Variants in WNT7A observed in about 807,000 individuals in gnomAD.
WNT7A encodes the protein protein Wnt-7a.
Under a neutral mutation model 28.2 loss-of-function variants are expected in WNT7A, and 16 were observed. That is an observed-to-expected ratio of 0.57 (90% CI 0.38 to 0.86). The LOEUF (loss-of-function observed/expected upper bound fraction) is 0.86, where lower values mean the gene tolerates loss of function less well. WNT7A is among the 40% of genes least tolerant of loss of function. The pLI, the probability that WNT7A is intolerant of heterozygous loss-of-function variation, is 0.00. For synonymous variants in WNT7A, 190 were observed against 195.9 expected, an observed-to-expected ratio of 0.97 and a Z score of 0.25; for missense variants, 411 against 489.7, an observed-to-expected ratio of 0.84 and a Z score of 1.52.
At chr3:13,850,924 C>T (rs1254216200) in intron 3 of WNT7A, among the ~76,000 whole-genome samples, 1 of 152,084 alleles carries the variant, frequency 6.6e-6, no homozygotes, top group Non-Finnish European at 1.5e-5. Context: ...ACTGTCCTTC[C>T]CTTCCCATAG....
chr3:13,840,096 C>G (rs1266645797), intron 3 of WNT7A, among the ~76,000 whole-genome samples: 1 of 152,236 alleles, frequency 6.6e-6, no homozygotes, highest in Admixed American at 6.5e-5. Flanking sequence ...GACAGCCACA[C>G]TGGCCTCTTT....
Position 13,879,762 on chromosome 3 carries a change from C to A in WNT7A, c.55G>T (p.Val19Phe). 6.2e-7 allele frequency: 1 copy of A among 1,612,944 alleles called. No individual in the cohort carries two copies. The highest frequency in any genetic ancestry group is 8.5e-7 in the Non-Finnish European group (1 of 1,179,328). Residue 19 changes from valine to phenylalanine, a missense_variant, in exon 1 of 4, where the codon GTC (valine) becomes TTC (phenylalanine). Coordinates refer to ENST00000285018, the MANE Select transcript of WNT7A (RefSeq NM_004625.4). ...AGCCCTTACCCGATCCGGAGGTAGA[C>A]CATGCCCAGGCTGAGAAAGAGGTGG... ...LGHLFLSLGM[V>F]YLRIGGFSSV...
chr3:13,856,893 A>AAAAAGAAG (rs1559303190), intron 2 of WNT7A, among the ~76,000 whole-genome samples: 4 of 73,358 alleles, frequency 5.5e-5, no homozygotes, highest in Non-Finnish European at 7.7e-5. Flanking sequence ...AGAAGAAGAA[A>AAAAAGAAG]AAGAAGAAGA....
At chr3:13,844,029 G>A (rs1399356272) in intron 3 of WNT7A, among the ~76,000 whole-genome samples, 7 of 152,130 alleles carry the variant, frequency 4.6e-5, no homozygotes, top group African/African-American at 9.7e-5. Flanking sequence ...TTATAGGCGG[G>A]AGCCACCGTG....
intron 3 of WNT7A, among the ~76,000 whole-genome samples, chr3:13,835,980 T>C (rs553487526): frequency 2.0e-5 from 3 of 152,060 alleles, no homozygotes; most frequent in Non-Finnish European, 4.4e-5. Flanking sequence ...AGGAAATCCA[T>C]AGAGACAGAG....
intron 3 of WNT7A, among the ~76,000 whole-genome samples, chr3:13,840,569 C>T (rs1419023657): frequency 6.6e-6 from 1 of 152,020 alleles, no homozygotes; most frequent in Non-Finnish European, 1.5e-5. Context: ...TCCATTCACC[C>T]AACCATCCTT....
At chr3:13,878,325 T>A (rs545025932) in intron 1 of WNT7A, among the ~76,000 whole-genome samples, 13 of 151,920 alleles carry the variant, frequency 8.6e-5, no homozygotes, top group African/African-American at 2.7e-4. Context: ...GCGGCCCGAG[T>A]CAATCGGCTC....
chr3:13,829,483 T>C (rs1232319686), intron 3 of WNT7A, among the ~76,000 whole-genome samples: 8 of 152,182 alleles, frequency 5.3e-5, no homozygotes, highest in East Asian at 3.9e-4. Context: ...TGGGAACTTT[T>C]CTCATTTTGA....
chr3:13,821,809 A>C (rs969777513), intron 3 of WNT7A, among the ~76,000 whole-genome samples: 1 of 152,234 alleles, frequency 6.6e-6, no homozygotes, highest in Non-Finnish European at 1.5e-5. Flanking sequence ...AGGGGCACCC[A>C]GCTGTCTTCT....
chr3:13,841,327 C>T (rs1447833718), intron 3 of WNT7A, among the ~76,000 whole-genome samples: 1 of 152,206 alleles, frequency 6.6e-6, no homozygotes. Flanking sequence ...AGAAGACACT[C>T]TATAAATTCT....
intron 3 of WNT7A, among the ~76,000 whole-genome samples, chr3:13,841,325 C>A (rs1694453050): frequency 1.3e-5 from 2 of 152,336 alleles, no homozygotes; most frequent in South Asian, 2.1e-4. Context: ...AAAGAAGACA[C>A]TCTATAAATT....
chr3:13,854,556 C>A lies in WNT7A; in HGVS notation c.546G>T (p.Leu182Phe), dbSNP rs150712285. 5 of 1,614,062 alleles carry A rather than the reference C, an allele frequency of 3.1e-6. No individual in the cohort carries two copies. The highest frequency in any genetic ancestry group is 2.7e-5 in the African/African-American group (2 of 74,944). ...CCTTTCGGCCTGCCTCGTTGTTGTGCAAGTTCATGAGAGTCCGGGCATTCT... is the reference window on the plus strand; with the variant it reads ...CCTTTCGGCCTGCCTCGTTGTTGTGAAAGTTCATGAGAGTCCGGGCATTCT... Reference protein sequence around the residue: ...IKQNARTLMNLHNNEAGRKIL... With the variant: ...IKQNARTLMNFHNNEAGRKIL... Residue 182 changes from leucine to phenylalanine, a missense_variant, in exon 3 of 4, where the codon TTG (leucine) becomes TTT (phenylalanine). Coordinates refer to ENST00000285018, the MANE Select transcript of WNT7A (RefSeq NM_004625.4).
At chr3:13,856,956 G>GAAA (rs1694751461) in intron 2 of WNT7A, among the ~76,000 whole-genome samples, 1 of 124,806 alleles carries the variant, frequency 8.0e-6, no homozygotes, top group African/African-American at 3.8e-5. Flanking sequence ...AGAAGAAGAA[G>GAAA]AAGAAGAAGA....
intron 2 of WNT7A, among the ~76,000 whole-genome samples, chr3:13,871,981 C>T (rs1695033246): frequency 6.6e-6 from 1 of 152,124 alleles, no homozygotes; most frequent in Non-Finnish European, 1.5e-5. Flanking sequence ...CCTCGCTGTT[C>T]CTTAAGCCAC....
rs532248804 is a variant in WNT7A, at chr3:13,879,657, C to A, written c.71+89G>T. The A allele has an allele frequency of 7.9e-5, 115 of 1,456,048 alleles. No homozygotes were observed. In the African/African-American group the frequency reaches 1.0e-3, roughly 13 times the overall value. The allele number at this position is 1,456,048 out of a possible 1,614,324, so 90.2% of individuals were successfully genotyped here. A position where few individuals can be genotyped will look rare whatever the true frequency, so the allele number is the denominator to read the frequency against. On this transcript the variant is annotated intron_variant, in intron 1 of 3. Transcript: ENST00000285018. ...TCTCAGAGAAGCTGTGGAAGTTGGC[C>A]GGCAGAGGCTCGCAGGCGGCACACC...
chr3:13,876,464 A>T (rs781121453), intron 1 of WNT7A, among the ~76,000 whole-genome samples: 5 of 152,198 alleles, frequency 3.3e-5, no homozygotes, highest in Admixed American at 2.0e-4. Context: ...GCAGGAGCAG[A>T]GGGACTAGGC....
Position 13,875,074 on chromosome 3 carries a change from G to A in WNT7A, c.171C>T (p.Asp57=), listed in dbSNP as rs766374751. 81 of 1,614,108 alleles carry A rather than the reference G, an allele frequency of 5.0e-5. 1 individual carries two copies. The Admixed American group carries it at 6.7e-4, about 13-fold the overall frequency. ...RQRAICQSRP[D]AIIVIGEGSQ... ...AGCCTTCTCCTATGACGATGATGGC[G>A]TCGGGCCGGCTCTGGCAGATCGCCC... Residue 57 remains aspartate (D), a synonymous_variant, in exon 2 of 4, where the codon GAC becomes GAT. Transcript: ENST00000285018.
chr3:13,856,938 G>C lies in WNT7A; in HGVS notation c.299-2135C>G, dbSNP rs1038843555. 5.0e-5 allele frequency among the ~76,000 whole-genome samples: 6 copies of C among 120,274 alleles called. No individual in the cohort carries two copies. In the East Asian group the frequency reaches 2.3e-3, roughly 47 times the overall value. The allele number at this position is 120,274 out of a possible 152,430, so 78.9% of individuals were successfully genotyped here. ...AGAAGAAGAAGAAGAAGAAGAAGAA[G>C]AAGAAGAAGAAGAAGAAGAAGAAGA... On this transcript the variant is annotated intron_variant, in intron 2 of 3. Coordinates refer to ENST00000285018, the MANE Select transcript of WNT7A (RefSeq NM_004625.4).
intron 3 of WNT7A, among the ~76,000 whole-genome samples, chr3:13,853,097 G>A (rs1246040867): frequency 1.4e-5 from 1 of 71,604 alleles, no homozygotes; most frequent in Non-Finnish European, 2.3e-5. Context: ...TATGACTTCT[G>A]CCCCACAGTG....
Sources: gnomAD v4.1 joint callset for allele counts (sites outside exome capture counted in the v4.1 genomes callset) on GRCh38, gnomAD v4.1.1 for gene constraint, MANE v1.5 for transcripts, NCBI Gene and HGNC (gene_info 2026-07-23, HGNC 2026-07-21) for gene names.